Variants in FLNB observed in about 807,000 individuals in gnomAD.
The protein encoded by FLNB is filamin-B.
Under a neutral mutation model 250.6 loss-of-function variants are expected in FLNB, and 111 were observed. The ratio of observed to expected loss-of-function variants is 0.44; its 90% CI spans 0.38 to 0.52. The LOEUF (loss-of-function observed/expected upper bound fraction) is 0.52, where lower values mean the gene tolerates loss of function less well. Ranked by LOEUF, FLNB falls within the 20% of genes least tolerant of loss-of-function variation. FLNB has a pLI of 0.00. For missense variants in FLNB, 2,869 were observed against 3,447.8 expected (o/e 0.83, Z 4.20); for synonymous variants, 1,302 against 1,372.1 (o/e 0.95, Z 1.13).
At chr3:58,089,023 A>T (rs1418998653) in intron 4 of FLNB, among the ~76,000 whole-genome samples, 1 of 152,106 alleles carries the variant, frequency 6.6e-6, no homozygotes, top group Non-Finnish European at 1.5e-5. Flanking sequence ...CCCCTGCCAC[A>T]GTGGTATCAT....
chr3:58,035,547 G>A (rs1480354394), intron 1 of FLNB, among the ~76,000 whole-genome samples: 1 of 152,116 alleles, frequency 6.6e-6, no homozygotes, highest in African/African-American at 2.4e-5. Context: ...ATGAATGTGT[G>A]AGAAATAAGG....
chr3:58,059,481 G>A (rs538858159), intron 1 of FLNB, among the ~76,000 whole-genome samples: 4 of 152,298 alleles, frequency 2.6e-5, no homozygotes, highest in African/African-American at 9.6e-5. Context: ...TGGGGTTCTT[G>A]TTGAGCCGGG....
chr3:58,169,812 T>TC lies in FLNB; in HGVS notation c.7621+20dup. 10 of 742,938 alleles carry TC rather than the reference T, an allele frequency of 1.3e-5. No homozygotes were observed. The highest frequency in any genetic ancestry group is 2.3e-5 in the Non-Finnish European group (10 of 439,328). 46.0% of individuals were successfully genotyped at this position (742,938 alleles called of 1,614,324 possible). On this transcript the variant is annotated intron_variant, in intron 45 of 45. Coordinates refer to ENST00000295956, the MANE Select transcript of FLNB (RefSeq NM_001457.4). This position sits in a 1 kb window ranked among gnomAD's most constrained non-coding sequence, Gnocchi z 4.8. Reference sequence around the variant, plus strand: ...AAAGCTGGTAGGTGTCTGGGCCTTTTCAAGGGTGGGGTGGGGCAGGGGCAG... The same window carrying TC: ...AAAGCTGGTAGGTGTCTGGGCCTTTTCCAAGGGTGGGGTGGGGCAGGGGCAG...
intron 4 of FLNB, among the ~76,000 whole-genome samples, chr3:58,085,357 G>C (rs914032451): frequency 6.6e-6 from 1 of 152,344 alleles, no homozygotes; most frequent in South Asian, 2.1e-4. Context: ...CCTGTCATGT[G>C]GTTAGATGAA....
In FLNB at chr3:58,148,668, G is replaced by T. The variant is rs541047306; in HGVS notation, c.5907G>T (p.Arg1969=). The change falls in exon 36 of 46, where the codon CGG becomes CGT. Residue 1969 remains arginine, a synonymous_variant. Coordinates refer to ENST00000295956, the MANE Select transcript of FLNB (RefSeq NM_001457.4). ...NNHIGISFIP[R]EVGEHLVSIK... ...GTCCAGGCATCTCCTTCATCCCCCG[G>T]GAAGTGGGCGAACATCTGGTCAGCA... 3 of 1,614,102 alleles carry T rather than the reference G, an allele frequency of 1.9e-6. No homozygotes were observed. Among genetic ancestry groups the T allele is most frequent in the Admixed American group, 3.3e-5 (2 of 60,024 alleles).
chr3:58,120,073 T>C (rs896958862), intron 19 of FLNB, among the ~76,000 whole-genome samples: 13 of 152,226 alleles, frequency 8.5e-5, no homozygotes, highest in African/African-American at 3.1e-4. Context: ...CCTCCTGTAT[T>C]CACCTGTGAG....
Position 58,111,849 on chromosome 3 carries a change from T to C in FLNB, c.2543T>C (p.Val848Ala), listed in dbSNP as rs1362082515. ...GACCCTTCCCACGATGCCAGCAAAGTGAAGGCAGAAGGCCCAGGGCTCAGC... is the reference window on the plus strand; with the variant it reads ...GACCCTTCCCACGATGCCAGCAAAGCGAAGGCAGAAGGCCCAGGGCTCAGC... ...KVDPSHDASK[V>A]KAEGPGLSKA... is the part of the protein sequence containing the mutation. Residue 848 changes from valine to alanine, a missense_variant, in exon 17 of 46, where the codon GTG becomes GCG. Coordinates refer to ENST00000295956, the MANE Select transcript of FLNB (RefSeq NM_001457.4). The C allele has an allele frequency of 6.2e-7, 1 of 1,614,118 alleles. No individual in the cohort carries two copies.
At chr3:58,102,832 T>A (rs934816003) in intron 9 of FLNB, among the ~76,000 whole-genome samples, 17 of 152,224 alleles carry the variant, frequency 1.1e-4, no homozygotes, top group African/African-American at 4.1e-4. Flanking sequence ...AGAATAAAAT[T>A]CCCTAAGATT....
At chr3:58,042,615 A>G (rs986631864) in intron 1 of FLNB, among the ~76,000 whole-genome samples, 1 of 152,052 alleles carries the variant, frequency 6.6e-6, no homozygotes, top group Non-Finnish European at 1.5e-5. Flanking sequence ...CCCAGGCTTA[A>G]GGGATTCTCC....
Position 58,141,853 on chromosome 3 carries a change from A to T in FLNB, c.5110-5A>T, listed in dbSNP as rs1468012903. 6.2e-7 allele frequency: 1 copy of T among 1,613,994 alleles called. No homozygotes were observed. The highest frequency in any genetic ancestry group is 1.3e-5 in the African/African-American group (1 of 75,026). ...CCCAACTAATCTCCATTTGCCACTG[A>T]CCAGGCCACAGATGGGGAAGTCACA... On this transcript the variant is annotated splice_region_variant and splice_polypyrimidine_tract_variant and intron_variant, in intron 29 of 45. Coordinates refer to ENST00000295956, the MANE Select transcript of FLNB (RefSeq NM_001457.4).
In FLNB at chr3:58,123,466, G is replaced by T. The variant is rs866833584; in HGVS notation, c.3500G>T (p.Gly1167Val). Reference sequence around the variant, plus strand: ...TCGGAAGCGGGACCGGGGGCCCTGGGCCTGGAAGCTGTCTCGGACTCGGGA... The same window carrying T: ...TCGGAAGCGGGACCGGGGGCCCTGGTCCTGGAAGCTGTCTCGGACTCGGGA... ...DCSEAGPGAL[G>V]LEAVSDSGTK... Residue 1167 changes from glycine to valine, a missense_variant, in exon 21 of 46, where the codon GGC becomes GTC. Physicochemically the swap from Gly to Val is moderately radical, Grantham distance 109. This residue lies in a region of FLNB where 1,348 missense variants were observed against 1,466.7 expected (regional missense o/e 0.92). Transcript: ENST00000295956. 3.7e-6 allele frequency: 6 copies of T among 1,606,634 alleles called. No individual in the cohort carries two copies. The African/African-American group carries it at 8.0e-5, about 22-fold the overall frequency.
At chr3:58,123,070 G>C in intron 20 of FLNB, 23 bp from the exon 21 acceptor site, 1 of 1,604,514 alleles carries the variant, frequency 6.2e-7, no homozygotes, top group Non-Finnish European at 8.5e-7. Flanking sequence ...AGTGCAGTTT[G>C]ACTTTATTCT....
chr3:58,119,131 A>G, intron 19 of FLNB, 142 bp downstream of exon 19: 1 of 736,692 alleles, frequency 1.4e-6, no homozygotes, highest in Non-Finnish European at 2.5e-6. Flanking sequence ...TTTGGTTCGA[A>G]TTAAGGCCGT....
intron 18 of FLNB, 35 bp from the exon 19 acceptor site, chr3:58,118,837 C>G: frequency 6.5e-7 from 1 of 1,542,758 alleles, no homozygotes. Context: ...CTTTTTGGTA[C>G]CCAAAGGTAA....
chr3:58,128,221 C>T (rs964725441), intron 24 of FLNB, among the ~76,000 whole-genome samples: 1 of 152,122 alleles, frequency 6.6e-6, no homozygotes, highest in African/African-American at 2.4e-5. Flanking sequence ...GATTCCATTC[C>T]TGCTTCCCCC....
rs145039197 is a variant in FLNB, at chr3:58,139,080, C to T, written c.5109+551C>T. The stretch of plus-strand genomic sequence containing the variant: ...GAACATCTGGAATAAAAGGAGGAAA[C>T]CATTATGCAAACACCTGGGTTAGTG... On this transcript the variant is annotated intron_variant, in intron 29 of 45. Coordinates refer to ENST00000295956, the MANE Select transcript of FLNB (RefSeq NM_001457.4). Among the ~76,000 whole-genome samples, 7 of 152,298 alleles carry T rather than the reference C, an allele frequency of 4.6e-5. No individual in the cohort carries two copies. In the East Asian group the frequency reaches 1.2e-3, roughly 25 times the overall value.
At chr3:58,029,481 G>A (rs1043417105) in intron 1 of FLNB, among the ~76,000 whole-genome samples, 10 of 151,766 alleles carry the variant, frequency 6.6e-5, no homozygotes, top group Non-Finnish European at 1.2e-4. Flanking sequence ...TGGGAGAAGG[G>A]AAGTTGTGAT....
In FLNB at chr3:58,130,702, T is replaced by A. The variant is rs1230378542; in HGVS notation, c.4223-39T>A. ...GGGTGTGCACAAGGTGGTCTCCAAT[T>A]CCCAGCTTGTGCTCAGAATCCCACA... On this transcript the variant is annotated intron_variant, in intron 24 of 45. Transcript: ENST00000295956. 4.4e-6 allele frequency: 7 copies of A among 1,601,170 alleles called. No individual in the cohort carries two copies. In the South Asian group the frequency reaches 7.9e-5, roughly 18 times the overall value.
At chr3:58,072,587 C>A (rs969958519) in intron 1 of FLNB, among the ~76,000 whole-genome samples, 5 of 152,278 alleles carry the variant, frequency 3.3e-5, no homozygotes, top group Admixed American at 2.0e-4. Context: ...GGATGGGAAC[C>A]TGGAGGTCTT....
Sources: gnomAD v4.1 joint callset for allele counts (sites outside exome capture counted in the v4.1 genomes callset) on GRCh38, gnomAD v4.1.1 for gene constraint, gnomAD v4.1.1 regional missense constraint, Gnocchi (gnomAD v3.1) non-coding constraint, MANE v1.5 for transcripts, NCBI Gene and HGNC (gene_info 2026-07-23, HGNC 2026-07-21) for gene names.